RFC4: variants seen among roughly 807,000 people sequenced by gnomAD.
RFC4 encodes the protein replication factor C subunit 4.
In RFC4, 38 loss-of-function variants were observed where a neutral mutation model predicts 47.6. That is an observed-to-expected ratio of 0.80 (90% confidence interval 0.62 to 1.05). The LOEUF is 1.05. Ranked by LOEUF, RFC4 falls within the 50% of genes least tolerant of loss-of-function variation. The pLI is 0.00. For synonymous variants in RFC4, 164 were observed against 150.0 expected, an observed-to-expected ratio of 1.09 and a Z score of -0.68; for missense variants, 489 against 434.0, an observed-to-expected ratio of 1.13 and a Z score of -1.13.
chr3:186,790,918 AAG>A (rs1235300838), intron 8 of RFC4, among the ~76,000 whole-genome samples: 6 of 152,030 alleles, frequency 3.9e-5, no homozygotes, highest in African/African-American at 7.3e-5. Flanking sequence ...CATAGAAACA[AAG>A]AGGATTAGTG....
At position 186,792,832 on chromosome 3, in the gene RFC4, A is replaced by G; in HGVS notation, c.526T>C (p.Phe176Leu). 6.2e-7 allele frequency: 1 copy of G among 1,613,992 alleles called. No homozygotes were observed. ...TMEKESKTTR[F>L]CLICNYVSRI... is the part of the protein sequence containing the mutation. Reference sequence around the variant, plus strand: ...CTGACATAGTTACAGATAAGACAGAATCGGGTGGTTTTCGACTCCTTCTCC... The same window carrying G: ...CTGACATAGTTACAGATAAGACAGAGTCGGGTGGTTTTCGACTCCTTCTCC... The change falls in exon 6 of 11, where the codon TTC becomes CTC. Residue 176 changes from phenylalanine to leucine, a missense_variant. Coordinates refer to ENST00000296273, the MANE Select transcript of RFC4 (RefSeq NM_002916.5).
chr3:186,789,919 T>C lies in RFC4; in HGVS notation c.*50A>G. 8.4e-7 allele frequency: 1 copy of C among 1,191,648 alleles called. No individual in the cohort carries two copies. Among genetic ancestry groups the C allele is most frequent in the Non-Finnish European group, 1.2e-6 (1 of 817,768 alleles). The allele number at this position is 1,191,648 out of a possible 1,614,324, so 73.8% of individuals were successfully genotyped here. A position where few individuals can be genotyped will look rare whatever the true frequency, so the allele number is the denominator to read the frequency against. ...TAAAGGTGCTTTTGGTCATTTTATTTTTATTACAACTTCATTATTTACAAA... is the reference window on the plus strand; with the variant it reads ...TAAAGGTGCTTTTGGTCATTTTATTCTTATTACAACTTCATTATTTACAAA... On this transcript the variant is annotated 3_prime_UTR_variant, in exon 11 of 11. Coordinates refer to ENST00000296273, the MANE Select transcript of RFC4 (RefSeq NM_002916.5).
At chr3:186,802,947 T>C (rs1722391395) in intron 2 of RFC4, among the ~76,000 whole-genome samples, 1 of 152,174 alleles carries the variant, frequency 6.6e-6, no homozygotes, top group East Asian at 1.9e-4. Flanking sequence ...TGTGAGAACC[T>C]GCCCCCAGTG....
At position 186,793,485 on chromosome 3, in the gene RFC4, AT is replaced by A. The variant is rs2108468934; in HGVS notation, c.411-539del. Among the ~76,000 whole-genome samples, 1 of 152,330 alleles carries A rather than the reference AT, an allele frequency of 6.6e-6. No individual in the cohort carries two copies. Among genetic ancestry groups the A allele is most frequent in the South Asian group, 2.1e-4 (1 of 4,832 alleles). On this transcript the variant is annotated intron_variant, in intron 5 of 10. Coordinates refer to ENST00000296273, the MANE Select transcript of RFC4 (RefSeq NM_002916.5). This position sits in a 1 kb window ranked among gnomAD's most constrained non-coding sequence, Gnocchi z 4.2. ...TTTGTGTACATGTTTTTGAGCAGAC[AT>A]GTCTTCCAAGAGGCTGTACCATTTT...
chr3:186,791,464 T>C (rs953797529), intron 8 of RFC4: 14 of 411,722 alleles, frequency 3.4e-5, no homozygotes, highest in Non-Finnish European at 6.4e-5. Context: ...AGCAAGACTC[T>C]GTCTCAAAAA....
intron 5 of RFC4, among the ~76,000 whole-genome samples, chr3:186,794,136 C>A (rs554140013): frequency 7.9e-5 from 12 of 152,180 alleles, no homozygotes; most frequent in Admixed American, 6.5e-5. Flanking sequence ...TTTTCTCCCA[C>A]GTTGCGGGTT....
At chr3:186,801,080 A>T (rs767192098) in intron 3 of RFC4, 37 bp downstream of exon 3, 36 of 1,451,326 alleles carry the variant, frequency 2.5e-5, no homozygotes, top group Middle Eastern at 1.7e-4. Flanking sequence ...TTAAGTCTTA[A>T]ATATCCCAAT....
Position 186,796,709 on chromosome 3 carries a change from A to G in RFC4, c.290+826T>C, listed in dbSNP as rs1579180261. On this transcript the variant is annotated intron_variant, in intron 4 of 10. Transcript: ENST00000296273. This position sits in a 1 kb window ranked among gnomAD's most constrained non-coding sequence, Gnocchi z 4.2. ...TGGCCAGGCTGGTTTCGAACTCCTCACCCCAGGTGATCCACCTGCCTCGGC... is the reference window on the plus strand; with the variant it reads ...TGGCCAGGCTGGTTTCGAACTCCTCGCCCCAGGTGATCCACCTGCCTCGGC... Among the ~76,000 whole-genome samples, 1 of 151,996 alleles carries G rather than the reference A, an allele frequency of 6.6e-6. No homozygotes were observed. The highest frequency in any genetic ancestry group is 1.5e-5 in the Non-Finnish European group (1 of 67,982).
chr3:186,804,920 T>G, intron 1 of RFC4, 196 bp from the exon 2 acceptor site: 2 of 449,180 alleles, frequency 4.5e-6, no homozygotes, highest in Non-Finnish European at 7.8e-6. Context: ...TGCACTGTAC[T>G]GAGGGCTACA....
rs1356662321 is a variant in RFC4, at chr3:186,791,904, C to G, written c.676-54G>C. On this transcript the variant is annotated intron_variant, in intron 7 of 10. Coordinates refer to ENST00000296273, the MANE Select transcript of RFC4 (RefSeq NM_002916.5). ...ATGATGGCCAATTAAGGATTTATAA[C>G]TTTAATTTTAAAATGTTTAATAAAA... 2.7e-6 allele frequency: 4 copies of G among 1,462,908 alleles called. No individual in the cohort carries two copies. In the East Asian group the frequency reaches 9.1e-5, roughly 33 times the overall value. The allele number at this position is 1,462,908 out of a possible 1,614,324, so 90.6% of individuals were successfully genotyped here.
At chr3:186,795,591 G>A (rs1005666912) in intron 4 of RFC4, among the ~76,000 whole-genome samples, 10 of 152,108 alleles carry the variant, frequency 6.6e-5, no homozygotes, top group African/African-American at 1.9e-4. Flanking sequence ...TCAGGAGTTC[G>A]AGACCAGCCT....
At chr3:186,797,472 CA>C in intron 4 of RFC4, 62 bp downstream of exon 4, 1 of 1,058,270 alleles carries the variant, frequency 9.4e-7, no homozygotes, top group Non-Finnish European at 1.4e-6. Context: ...GGAAAAAAAG[CA>C]ATATCAGAGA....
chr3:186,792,760 A>G, intron 6 of RFC4, 44 bp downstream of exon 6: 2 of 1,571,886 alleles, frequency 1.3e-6, no homozygotes, highest in Non-Finnish European at 1.7e-6. Context: ...TTGGGTTATG[A>G]AAATAAGGCT....
chr3:186,791,493 A>G, intron 8 of RFC4: 3 of 504,744 alleles, frequency 5.9e-6, no homozygotes, highest in South Asian at 2.1e-5. Flanking sequence ...CAAAAAAACT[A>G]ACAACTGAAA....
At chr3:186,795,105 A>G (rs749349420) in intron 4 of RFC4, among the ~76,000 whole-genome samples, 4 of 152,240 alleles carry the variant, frequency 2.6e-5, no homozygotes, top group Non-Finnish European at 4.4e-5. Context: ...CCTGGGCTCA[A>G]ATGATCCTCC....
Position 186,804,618 on chromosome 3 carries a change from G to C in RFC4, c.96C>G (p.Asn32Lys). 6.2e-7 allele frequency: 1 copy of C among 1,613,884 alleles called. No individual in the cohort carries two copies. The highest frequency in any genetic ancestry group is 8.5e-7 in the Non-Finnish European group (1 of 1,179,986). The change falls in exon 2 of 11, where the codon AAC (asparagine) becomes AAG (lysine). Residue 32 changes from asparagine (N) to lysine (K), a missense_variant. By Grantham distance (94) the Asn-to-Lys change is moderately conservative. This residue lies in a region of RFC4 where 206 missense variants were observed against 257.8 expected (regional missense o/e 0.80). Transcript: ENST00000296273. ...VAASAGSSGE[N>K]KKAKPVPWVE... The stretch of plus-strand genomic sequence containing the variant: ...CCCAGGGAACGGGTTTGGCTTTCTT[G>C]TTCTCTCCGCTACTTCCCGCACTGG...
Position 186,790,094 on chromosome 3 carries a change from C to T in RFC4, c.997-30G>A, listed in dbSNP as rs879160510. 6.8e-6 allele frequency: 11 copies of T among 1,605,938 alleles called. No homozygotes were observed. The South Asian group carries it at 8.8e-5, about 13-fold the overall frequency. Reference sequence around the variant, plus strand: ...GAGAAAAATTTAAGAAATTAGCATCCTTCAGGTAGTTAAATGTTCCATTGA... The same window carrying T: ...GAGAAAAATTTAAGAAATTAGCATCTTTCAGGTAGTTAAATGTTCCATTGA... On this transcript the variant is annotated intron_variant, in intron 10 of 10. Transcript: ENST00000296273.
At chr3:186,797,449 G>T in intron 4 of RFC4, 86 bp downstream of exon 4, 1 of 919,650 alleles carries the variant, frequency 1.1e-6, no homozygotes, top group Non-Finnish European at 1.7e-6. Context: ...AAAACGAAAC[G>T]CAAATTTTTA....
intron 2 of RFC4, among the ~76,000 whole-genome samples, chr3:186,802,278 A>T (rs1471803698): frequency 6.6e-6 from 1 of 152,014 alleles, no homozygotes; most frequent in Non-Finnish European, 1.5e-5. Flanking sequence ...GTGAGCCAAG[A>T]TCGCACCACT....
Sources: gnomAD v4.1 joint callset for allele counts (sites outside exome capture counted in the v4.1 genomes callset) on GRCh38, gnomAD v4.1.1 for gene constraint, gnomAD v4.1.1 regional missense constraint, Gnocchi (gnomAD v3.1) non-coding constraint, MANE v1.5 for transcripts, NCBI Gene and HGNC (gene_info 2026-07-23, HGNC 2026-07-21) for gene names.